The following MFHAS1 variants were observed in gnomAD, a reference collection of about 807,000 sequenced individuals.
MFHAS1 encodes multifunctional ROCO family signaling regulator 1.
MFHAS1 carries 50 observed loss-of-function variants against 70.4 expected under a neutral mutation model. The ratio of observed to expected loss-of-function variants is 0.71; its 90% CI spans 0.57 to 0.90. The LOEUF (loss-of-function observed/expected upper bound fraction) is 0.90. Among genes scored for constraint, MFHAS1 ranks in the 40% least tolerant of loss-of-function variants. MFHAS1 has a pLI of 0.00. For synonymous variants in MFHAS1, 952 were observed against 620.0 expected, an observed-to-expected ratio of 1.54 and a Z score of -7.96; for missense variants, 1,795 against 1,347.6, an observed-to-expected ratio of 1.33 and a Z score of -5.20.
rs1805476625 is a variant in MFHAS1, at chr8:8,784,754, G to C, written c.*1268C>G. The C allele has an allele frequency of 6.6e-6, 1 of 152,182 alleles. No homozygotes were observed. The highest frequency in any genetic ancestry group is 1.5e-5 in the Non-Finnish European group (1 of 68,030). 9.4% of individuals were successfully genotyped at this position (152,182 alleles called of 1,614,324 possible). A position where few individuals can be genotyped will look rare whatever the true frequency, so the allele number is the denominator to read the frequency against. ...CACGGAGGAGGCAAATGTAAACAGA[G>C]TTTTTTACACTCTCCGAAAAACATG... On this transcript the variant is annotated 3_prime_UTR_variant, in exon 3 of 3. Transcript: ENST00000276282.
chr8:8,858,196 G>A (rs1327828073), intron 1 of MFHAS1, among the ~76,000 whole-genome samples: 1 of 152,144 alleles, frequency 6.6e-6, no homozygotes, highest in South Asian at 2.1e-4. Context: ...GGGAAGGAAG[G>A]AAATTGTTTA....
intron 1 of MFHAS1, among the ~76,000 whole-genome samples, chr8:8,797,866 G>T (rs921211267): frequency 2.6e-5 from 4 of 152,210 alleles, no homozygotes; most frequent in Non-Finnish European, 4.4e-5. Flanking sequence ...TGCCAAGGAG[G>T]TGTTCATAAT....
chr8:8,890,729 T>C lies in MFHAS1; in HGVS notation c.2330A>G (p.Gln777Arg). The C allele has an allele frequency of 9.9e-6, 16 of 1,613,716 alleles. No individual in the cohort carries two copies. The highest frequency in any genetic ancestry group is 1.3e-5 in the Non-Finnish European group (15 of 1,179,788). The change falls in exon 1 of 3, where the codon CAG (glutamine) becomes CGG (arginine). Residue 777 changes from glutamine (Q) to arginine (R), a missense_variant. Gln to Arg is a conservative substitution (Grantham distance 43, BLOSUM62 1). Coordinates refer to ENST00000276282, the MANE Select transcript of MFHAS1 (RefSeq NM_004225.3). ...GAGCTGGGTGGCCCGGAGCAGTTCCTGGCTGGGGGTGGACCGCGCCATGGG... is the reference window on the plus strand; with the variant it reads ...GAGCTGGGTGGCCCGGAGCAGTTCCCGGCTGGGGGTGGACCGCGCCATGGG... ...SPPMARSTPS[Q>R]ELLRATQLHQ...
intron 2 of MFHAS1, among the ~76,000 whole-genome samples, chr8:8,793,780 C>G (rs1309538765): frequency 6.6e-6 from 1 of 152,214 alleles, no homozygotes; most frequent in African/African-American, 2.4e-5. Flanking sequence ...GGAACTGAAC[C>G]ATCAGAAAGT....
chr8:8,800,548 C>T (rs1806050835), intron 1 of MFHAS1, among the ~76,000 whole-genome samples: 1 of 152,156 alleles, frequency 6.6e-6, no homozygotes. Context: ...CCAACCCACC[C>T]ACCATGCACC....
Position 8,892,745 on chromosome 8 carries a change from G to T in MFHAS1, c.314C>A (p.Ala105Glu). 1 of 1,569,074 alleles carries T rather than the reference G, an allele frequency of 6.4e-7. No individual in the cohort carries two copies. The highest frequency in any genetic ancestry group is 8.6e-7 in the Non-Finnish European group (1 of 1,159,750). The change falls in exon 1 of 3, where the codon GCG becomes GAG. Residue 105 changes from alanine to glutamate, a missense_variant. Transcript: ENST00000276282. The surrounding 1 kb of genome is among the most constrained non-coding windows in gnomAD (Gnocchi z 4.7). The part of the protein sequence containing the change: ...RRNRFARLPP[A>E]VAELGHHLTE... ...GAGGTGGTGGCCGAGCTCGGCCACC[G>T]CCGGGGGCAGCCGGGCGAAGCGGTT... is the stretch of plus-strand genomic sequence containing the variant.
chr8:8,861,462 A>G (rs1435772360), intron 1 of MFHAS1, among the ~76,000 whole-genome samples: 2 of 152,240 alleles, frequency 1.3e-5, no homozygotes, highest in African/African-American at 4.8e-5. Context: ...TTACCACAAT[A>G]TTCATATACA....
chr8:8,796,329 G>A (rs943938539), intron 2 of MFHAS1, among the ~76,000 whole-genome samples: 1 of 152,170 alleles, frequency 6.6e-6, no homozygotes, highest in Non-Finnish European at 1.5e-5. Context: ...TGCAGGCTTT[G>A]CTCATGGAAT....
rs1810040692 is a variant in MFHAS1 at position 8,891,586 on chromosome 8, G to A, written c.1473C>T (p.Phe491=). 6.2e-7 allele frequency: 1 copy of A among 1,613,380 alleles called. No homozygotes were observed. The highest frequency in any genetic ancestry group is 8.5e-7 in the Non-Finnish European group (1 of 1,180,046). Residue 491 remains phenylalanine (F), a synonymous_variant, in exon 1 of 3, where the codon TTC becomes TTT. Coordinates refer to ENST00000276282, the MANE Select transcript of MFHAS1 (RefSeq NM_004225.3). This position sits in a 1 kb window ranked among gnomAD's most constrained non-coding sequence, Gnocchi z 5.4. ...GCACGTATAGGGCCCCTGGGGACAGGAAGAAGGGCTGGATCACCTCATAAC... is the reference window on the plus strand; with the variant it reads ...GCACGTATAGGGCCCCTGGGGACAGAAAGAAGGGCTGGATCACCTCATAAC... ...DESYEVIQPF[F]LSPGALYVLV...
chr8:8,815,088 C>T (rs1335160632), intron 1 of MFHAS1, among the ~76,000 whole-genome samples: 1 of 152,120 alleles, frequency 6.6e-6, no homozygotes, highest in African/African-American at 2.4e-5. Flanking sequence ...CATTGTTCAG[C>T]TCCCACTTAT....
chr8:8,806,985 G>C (rs141845813), intron 1 of MFHAS1, among the ~76,000 whole-genome samples: 106 of 151,896 alleles, frequency 7.0e-4, no homozygotes, highest in African/African-American at 2.5e-3. Flanking sequence ...AACACAGAAA[G>C]GAACCATGAG....
chr8:8,846,355 G>A (rs1462908335), intron 1 of MFHAS1, among the ~76,000 whole-genome samples: 1 of 125,822 alleles, frequency 7.9e-6, no homozygotes, highest in Admixed American at 8.0e-5. Context: ...GGGGAGGAGG[G>A]GGAGGAGGAG....
At chr8:8,800,224 C>T (rs1307251844) in intron 1 of MFHAS1, among the ~76,000 whole-genome samples, 4 of 152,128 alleles carry the variant, frequency 2.6e-5, no homozygotes, top group Non-Finnish European at 5.9e-5. Flanking sequence ...AATTTGAGTT[C>T]CTTAACCAAA....
At chr8:8,870,600 C>A (rs921238363) in intron 1 of MFHAS1, among the ~76,000 whole-genome samples, 4 of 152,182 alleles carry the variant, frequency 2.6e-5, no homozygotes, top group African/African-American at 7.2e-5. Flanking sequence ...AAAGTCCCTA[C>A]GACTCACCTC....
chr8:8,843,597 A>T (rs559479665), intron 1 of MFHAS1, among the ~76,000 whole-genome samples: 1 of 152,202 alleles, frequency 6.6e-6, no homozygotes, highest in Non-Finnish European at 1.5e-5. Context: ...AAATAAACAC[A>T]TAAATAAAAA....
chr8:8,795,274 G>A (rs1805853443), intron 2 of MFHAS1, among the ~76,000 whole-genome samples: 1 of 152,138 alleles, frequency 6.6e-6, no homozygotes, highest in African/African-American at 2.4e-5. Context: ...AGGTGTATCT[G>A]AAAGAAAGGG....
chr8:8,881,883 C>T (rs1313102268), intron 1 of MFHAS1, among the ~76,000 whole-genome samples: 1 of 151,576 alleles, frequency 6.6e-6, no homozygotes, highest in Non-Finnish European at 1.5e-5. Flanking sequence ...GGAGTATTCA[C>T]TGCCTCAAGG....
chr8:8,824,717 G>A (rs1807092862), intron 1 of MFHAS1, among the ~76,000 whole-genome samples: 1 of 152,192 alleles, frequency 6.6e-6, no homozygotes, highest in South Asian at 2.1e-4. Context: ...GTCCAGATGG[G>A]TTTAGCGGTC....
At chr8:8,834,679 A>G (rs1048913465) in intron 1 of MFHAS1, among the ~76,000 whole-genome samples, 1 of 152,244 alleles carries the variant, frequency 6.6e-6, no homozygotes. Context: ...TTCATACAAC[A>G]ATGAAATTGC....
Sources: gnomAD v4.1 joint callset for allele counts (sites outside exome capture counted in the v4.1 genomes callset) on GRCh38, gnomAD v4.1.1 for gene constraint, Gnocchi (gnomAD v3.1) non-coding constraint, MANE v1.5 for transcripts, NCBI Gene and HGNC (gene_info 2026-07-23, HGNC 2026-07-21) for gene names.